IRX4: variants seen among roughly 807,000 people sequenced by gnomAD.
IRX4 encodes the protein iroquois-class homeodomain protein IRX-4.
Under a neutral mutation model 32.0 loss-of-function variants are expected in IRX4, and 22 were observed. The ratio of observed to expected loss-of-function variants is 0.69; its 90% CI spans 0.49 to 0.98. IRX4 has a LOEUF of 0.98. Ranked by LOEUF, IRX4 falls within the 50% of genes least tolerant of loss-of-function variation. The pLI, the probability that IRX4 is intolerant of heterozygous loss-of-function variation, is 0.00. For synonymous variants in IRX4, 379 were observed against 351.7 expected (o/e 1.08, Z -0.87); for missense variants, 840 against 744.2 (o/e 1.13, Z -1.50).
In IRX4 at chr5:1,877,829, G is replaced by A. The variant is rs537824342; in HGVS notation, c.*140C>T. On this transcript the variant is annotated 3_prime_UTR_variant, in exon 5 of 5. Coordinates refer to ENST00000231357, the MANE Select transcript of IRX4 (RefSeq NM_016358.3). ...GCCGGGCTTGTCCATGTTCCCAGGA[G>A]TCCAAGTTCAGAAGCCCCCTCTCCG... The A allele has an allele frequency of 1.7e-3, 1,305 of 785,190 alleles. 1 individual carries two copies. Among genetic ancestry groups the A allele is most frequent in the Non-Finnish European group, 2.3e-3 (1,200 of 513,846 alleles). The allele number at this position is 785,190 out of a possible 1,614,324, so 48.6% of individuals were successfully genotyped here.
chr5:1,878,070 G>T lies in IRX4; in HGVS notation c.1459C>A (p.Arg487Ser), dbSNP rs1258734240. ...TGGGGCACGGCAGGCGGAAAGGCGC[G>T]GGCCAGGGGTGCAGTCAGCACGTTC... Reference protein sequence around the residue: ...GANVLTAPLARAFPPAVPQDA... With the variant: ...GANVLTAPLASAFPPAVPQDA... The change falls in exon 5 of 5, where the codon CGC becomes AGC. Residue 487 changes from arginine to serine, a missense_variant. Physicochemically the swap from Arg to Ser is moderately radical, Grantham distance 110 (BLOSUM62 -1). Around this residue, in one of 3 missense-constraint regions of IRX4, gnomAD observed 585 missense variants for 488.0 expected, o/e 1.20. Transcript: ENST00000231357. 1 of 1,514,518 alleles carries T rather than the reference G, an allele frequency of 6.6e-7. No individual in the cohort carries two copies. The allele number at this position is 1,514,518 out of a possible 1,614,324, so 93.8% of individuals were successfully genotyped here.
Position 1,880,778 on chromosome 5 carries a change from G to C in IRX4, c.354C>G (p.Ala118=), listed in dbSNP as rs1198845670. The change falls in exon 3 of 5, where the codon GCC becomes GCG. Residue 118 remains alanine, a synonymous_variant. Transcript: ENST00000231357. The part of the protein sequence containing the change: ...SGSAHGGLAP[A]AAAYYPYEPA... ...GCTCGTAAGGGTAGTAGGCGGCAGC[G>C]GCTGGTGCCAGGCCCCCATGCGCAG... 1.9e-6 allele frequency: 3 copies of C among 1,613,634 alleles called. No individual in the cohort carries two copies. Among genetic ancestry groups the C allele is most frequent in the Non-Finnish European group, 2.5e-6 (3 of 1,180,004 alleles).
chr5:1,878,660 G>T lies in IRX4; in HGVS notation c.869C>A (p.Pro290His), dbSNP rs1172684323. 1 of 1,577,134 alleles carries T rather than the reference G, an allele frequency of 6.3e-7. No individual in the cohort carries two copies. The highest frequency in any genetic ancestry group is 1.8e-5 in the Admixed American group (1 of 55,398). Residue 290 changes from proline to histidine, a missense_variant, in exon 5 of 5, where the codon CCC (proline) becomes CAC (histidine). Physicochemically the swap from Pro to His is moderately conservative, Grantham distance 77. Transcript: ENST00000231357. The stretch of plus-strand genomic sequence containing the variant: ...CTTGACCGGGCCGTCGGGCGCGGCG[G>T]GGACGCGCTCCAGACCGCCGTCCAG... ...HSLDGGLERV[P>H]AAPDGPVKEA...
chr5:1,879,470 G>A (rs560299727), intron 4 of IRX4, 34 bp downstream of exon 4: 308 of 1,612,484 alleles, frequency 1.9e-4, no homozygotes, highest in Non-Finnish European at 2.5e-4. Flanking sequence ...TGCACTCCAG[G>A]GCCTCAGCCC....
rs1735279979 is a variant in IRX4 at position 1,878,295 on chromosome 5, T to C, written c.1234A>G (p.Thr412Ala). ...TGGGGAAGGGCCACAGACGGGGACGTGGCGGGCGCGGAGGACACAGCCGCA... is the reference window on the plus strand; with the variant it reads ...TGGGGAAGGGCCACAGACGGGGACGCGGCGGGCGCGGAGGACACAGCCGCA... The part of the protein sequence containing the change: ...APAAVSSAPA[T>A]SPSVALPHSG... The change falls in exon 5 of 5, where the codon ACG (threonine) becomes GCG (alanine). Residue 412 changes from threonine (T) to alanine (A), a missense_variant. Thr to Ala is a moderately conservative substitution (Grantham distance 58). This residue lies in a region of IRX4 where 585 missense variants were observed against 488.0 expected (regional missense o/e 1.20). Coordinates refer to ENST00000231357, the MANE Select transcript of IRX4 (RefSeq NM_016358.3). The C allele has an allele frequency of 6.3e-7, 1 of 1,586,570 alleles. No homozygotes were observed. The highest frequency in any genetic ancestry group is 1.8e-5 in the Admixed American group (1 of 56,534).
chr5:1,880,691 G>C (rs982435660), intron 3 of IRX4, 34 bp downstream of exon 3: 23 of 1,423,708 alleles, frequency 1.6e-5, no homozygotes, highest in Non-Finnish European at 2.1e-5. Context: ...AGGGCCCGTG[G>C]GGCTAGTGCT....
Position 1,878,003 on chromosome 5 carries a change from AG to A in IRX4, c.1525del (p.Leu509CysfsTer34). The A allele has an allele frequency of 6.6e-7, 1 of 1,505,714 alleles. No individual in the cohort carries two copies. The highest frequency in any genetic ancestry group is 8.8e-7 in the Non-Finnish European group (1 of 1,132,998). The allele number at this position is 1,505,714 out of a possible 1,614,324, so 93.3% of individuals were successfully genotyped here. On this transcript the variant is annotated frameshift_variant, in exon 5 of 5. Coordinates refer to ENST00000231357, the MANE Select transcript of IRX4 (RefSeq NM_016358.3). LOFTEE classifies it high-confidence loss of function. ...AAGAARELLA[L>X]PKAGGKPFCA ...GAAGGGTTTGCCGCCGGCCTTGGGCAGGGCGAGCAGCTCCCTGGCGGCGCCT... is the reference window on the plus strand; with the variant it reads ...GAAGGGTTTGCCGCCGGCCTTGGGCAGGCGAGCAGCTCCCTGGCGGCGCCT...
chr5:1,882,898 G>T lies in IRX4; in HGVS notation c.-251C>A, dbSNP rs1735505958. The stretch of plus-strand genomic sequence containing the variant: ...GGGGGCTCTGGGACCGAGCGGCCTC[G>T]CAGCGGCGACAGAAATACATATTTT... On this transcript the variant is annotated 5_prime_UTR_variant, in exon 1 of 5. An upstream open reading frame in the 5' UTR gains an earlier in-frame stop. Coordinates refer to ENST00000231357, the MANE Select transcript of IRX4 (RefSeq NM_016358.3). The T allele has an allele frequency of 2.7e-6, 1 of 375,904 alleles. No individual in the cohort carries two copies. The highest frequency in any genetic ancestry group is 4.7e-6 in the Non-Finnish European group (1 of 212,780). 23.3% of individuals were successfully genotyped at this position (375,904 alleles called of 1,614,324 possible).
rs775747527 is a variant in IRX4 at position 1,879,767 on chromosome 5, T to G, written c.473A>C (p.Lys158Thr). 4 of 1,614,224 alleles carry G rather than the reference T, an allele frequency of 2.5e-6. No individual in the cohort carries two copies. In the Admixed American group the frequency reaches 5.0e-5, roughly 20 times the overall value. Residue 158 changes from lysine (K) to threonine (T), a missense_variant, in exon 4 of 5, where the codon AAG becomes ACG. By Grantham distance (78) the Lys-to-Thr change is moderately conservative (BLOSUM62 -1). This residue lies in a region of IRX4 where 241 missense variants were observed against 220.8 expected (regional missense o/e 1.09). Transcript: ENST00000231357. Reference protein sequence around the residue: ...NATRETTSTLKAWLQEHRKNP... With the variant: ...NATRETTSTLTAWLQEHRKNP... ...CTTGCGGTGCTCCTGCAGCCAGGCC[T>G]TGAGCGTGCTGGTGGTCTCGCGCGT...
Position 1,882,063 on chromosome 5 carries a change from CAGA to C in IRX4, c.46-7_46-5del. The C allele has an allele frequency of 6.4e-7, 1 of 1,551,636 alleles. No individual in the cohort carries two copies. Among genetic ancestry groups the C allele is most frequent in the Non-Finnish European group, 8.7e-7 (1 of 1,149,614 alleles). ...GGGAGTTGGTGGCCATCAAGAACTG[CAGA>C]GAGAGGCCGCGAGGACTGGCGGGAA... On this transcript the variant is annotated splice_region_variant and splice_polypyrimidine_tract_variant and intron_variant, in intron 1 of 4. Coordinates refer to ENST00000231357, the MANE Select transcript of IRX4 (RefSeq NM_016358.3).
Position 1,881,804 on chromosome 5 carries a change from T to A in IRX4, c.297+4A>T, listed in dbSNP as rs1362220337. 14 of 1,567,402 alleles carry A rather than the reference T, an allele frequency of 8.9e-6. No homozygotes were observed. In the South Asian group the frequency reaches 1.6e-4, roughly 18 times the overall value. On this transcript the variant is annotated splice_donor_region_variant and intron_variant, in intron 2 of 4. Coordinates refer to ENST00000231357, the MANE Select transcript of IRX4 (RefSeq NM_016358.3). ...AGGGCAAGGGCTAGGGATGCCCCAC[T>A]TACCAGCGAGTAGAAGGCGGACGCC... is the stretch of plus-strand genomic sequence containing the variant.
intron 1 of IRX4, 103 bp downstream of exon 1, chr5:1,882,500 A>C (rs969262542): frequency 4.9e-6 from 5 of 1,023,682 alleles, no homozygotes; most frequent in Non-Finnish European, 4.4e-6. Context: ...GCTAGCTCGG[A>C]AGCCGCAGGC....
intron 1 of IRX4, 41 bp downstream of exon 1, chr5:1,882,562 C>A: frequency 6.7e-7 from 1 of 1,492,558 alleles, no homozygotes; most frequent in Non-Finnish European, 9.0e-7. Context: ...TCCGCCCTAC[C>A]GGCACCTGCG....
Position 1,878,771 on chromosome 5 carries a change from T to G in IRX4, c.758A>C (p.Lys253Thr), listed in dbSNP as rs942852215. Reference sequence around the variant, plus strand: ...GTCCAAGTCACTAAGCTCCAGCTCCTTCTCCTCTTTGCCCACGGGCTCTGC... The same window carrying G: ...GTCCAAGTCACTAAGCTCCAGCTCCGTCTCCTCTTTGCCCACGGGCTCTGC... ...KNAEPVGKEEKELELSDLDDF... is the reference protein window; with the variant it reads ...KNAEPVGKEETELELSDLDDF... Residue 253 changes from lysine (K) to threonine (T), a missense_variant, in exon 5 of 5, where the codon AAG becomes ACG. Physicochemically the swap from Lys to Thr is moderately conservative, Grantham distance 78. Coordinates refer to ENST00000231357, the MANE Select transcript of IRX4 (RefSeq NM_016358.3). 6.8e-6 allele frequency: 11 copies of G among 1,612,862 alleles called. No individual in the cohort carries two copies. The African/African-American group carries it at 1.2e-4, about 18-fold the overall frequency.
intron 4 of IRX4, 86 bp from the exon 5 acceptor site, chr5:1,878,878 G>T: frequency 7.1e-7 from 1 of 1,415,154 alleles, no homozygotes; most frequent in Non-Finnish European, 1.0e-6. Flanking sequence ...TATGAGGCCT[G>T]TTCCCGACGC....
chr5:1,881,334 G>T (rs1735429264), intron 2 of IRX4, among the ~76,000 whole-genome samples: 1 of 134,880 alleles, frequency 7.4e-6, no homozygotes, highest in African/African-American at 2.8e-5. Context: ...GGAGGAGCAA[G>T]GGTGGGGGAG....
At position 1,881,889 on chromosome 5, in the gene IRX4, G is replaced by A. The variant is rs1252973930; in HGVS notation, c.216C>T (p.Val72=). The A allele has an allele frequency of 1.9e-6, 3 of 1,585,608 alleles. No individual in the cohort carries two copies. Among genetic ancestry groups the A allele is most frequent in the South Asian group, 1.2e-5 (1 of 86,856 alleles). The change falls in exon 2 of 5, where the codon GTC becomes GTT. Residue 72 remains valine, a synonymous_variant. Transcript: ENST00000231357. ...GCGATCCGCCATAGGGACCCCCATA[G>A]ACGCCCAGCGCCGCGGCCGAGTTGA... ...HELNSAAALG[V]YGGPYGGSQG...
intron 4 of IRX4, 92 bp downstream of exon 4, chr5:1,879,412 G>A (rs1014960157): frequency 6.3e-7 from 1 of 1,579,758 alleles, no homozygotes; most frequent in East Asian, 2.2e-5. Context: ...GGGGCTCGGC[G>A]TTTGGGACCC....
rs1420322910 is a variant in IRX4, at chr5:1,878,308, G to A, written c.1221C>T (p.Ser407=). ...CAGACGGGGACGTGGCGGGCGCGGA[G>A]GACACAGCCGCAGGGGCCGCGGGAC... is the stretch of plus-strand genomic sequence containing the variant. ...RQGPAAPAAV[S]SAPATSPSVA... is the part of the protein sequence containing the mutation. Residue 407 remains serine (S), a synonymous_variant, in exon 5 of 5, where the codon TCC becomes TCT. Coordinates refer to ENST00000231357, the MANE Select transcript of IRX4 (RefSeq NM_016358.3). 1 of 1,574,342 alleles carries A rather than the reference G, an allele frequency of 6.4e-7. No homozygotes were observed. The highest frequency in any genetic ancestry group is 1.8e-5 in the Admixed American group (1 of 54,714).
Sources: gnomAD v4.1 joint callset for allele counts (sites outside exome capture counted in the v4.1 genomes callset) on GRCh38, gnomAD v4.1.1 for gene constraint, gnomAD v4.1.1 regional missense constraint, MANE v1.5 for transcripts, NCBI Gene and HGNC (gene_info 2026-07-23, HGNC 2026-07-21) for gene names.